CCDC171: variants seen among roughly 807,000 people sequenced by gnomAD.
CCDC171 encodes the protein coiled-coil domain containing 171, also known as coiled-coil domain-containing protein 171.
In CCDC171, 177 loss-of-function variants were observed where a neutral mutation model predicts 168.2. That is an observed-to-expected ratio of 1.05 (90% confidence interval 0.93 to 1.19). CCDC171 has a LOEUF of 1.19. Ranked by LOEUF, CCDC171 falls within the 50% of genes most tolerant of loss-of-function variation. CCDC171 has a pLI of 0.00. For missense variants in CCDC171, 1,991 were observed against 1,539.0 expected (o/e 1.29, Z -4.91); for synonymous variants, 687 against 540.8 (o/e 1.27, Z -3.75).
At chr9:15,750,709 C>T (rs905021464) in intron 18 of CCDC171, among the ~76,000 whole-genome samples, 1 of 152,116 alleles carries the variant, frequency 6.6e-6, no homozygotes, top group African/African-American at 2.4e-5. Flanking sequence ...GCAGAAAAGG[C>T]CTTCGACAAA....
At chr9:15,883,899 A>G (rs944761101) in intron 24 of CCDC171, among the ~76,000 whole-genome samples, 3 of 152,242 alleles carry the variant, frequency 2.0e-5, no homozygotes, top group African/African-American at 7.2e-5. Context: ...AAATCATAGC[A>G]GAATCAGTAT....
intron 24 of CCDC171, among the ~76,000 whole-genome samples, chr9:15,897,793 T>G (rs778103697): frequency 2.0e-5 from 3 of 152,208 alleles, no homozygotes; most frequent in Non-Finnish European, 2.9e-5. Flanking sequence ...AAGCCTGGAT[T>G]AAGTCTACTG....
intron 3 of CCDC171, among the ~76,000 whole-genome samples, chr9:16,008,697 T>A (rs1361822979): frequency 6.6e-6 from 1 of 152,162 alleles, no homozygotes; most frequent in African/African-American, 2.4e-5. Flanking sequence ...CTGGCAAGCC[T>A]CACTTCTAAT....
At chr9:15,756,362 C>G (rs1213233881) in intron 18 of CCDC171, among the ~76,000 whole-genome samples, 1 of 151,992 alleles carries the variant, frequency 6.6e-6, no homozygotes, top group African/African-American at 2.4e-5. Context: ...AGAATGGTTA[C>G]TGTTATTTTT....
chr9:15,649,623 A>C (rs910671414), intron 7 of CCDC171, among the ~76,000 whole-genome samples: 15 of 152,358 alleles, frequency 9.8e-5, no homozygotes, highest in South Asian at 4.1e-4. Flanking sequence ...GAAGACATTT[A>C]TGCAGCCAAC....
chr9:16,094,311 G>GA, the CCDC171 span, among the ~76,000 whole-genome samples: 1 of 152,354 alleles, frequency 6.6e-6, no homozygotes, highest in East Asian at 1.9e-4. Flanking sequence ...GTCCAGTGAA[G>GA]ATGAATAAAG....
intron 3 of CCDC171, among the ~76,000 whole-genome samples, chr9:15,987,129 G>C (rs1454238759): frequency 3.9e-5 from 6 of 152,002 alleles, no homozygotes; most frequent in Admixed American, 1.3e-4. Flanking sequence ...AGAAACTATT[G>C]AAAAAAATTT....
intron 1 of CCDC171, among the ~76,000 whole-genome samples, chr9:16,055,276 T>G (rs1390647271): frequency 6.6e-6 from 1 of 152,082 alleles, no homozygotes; most frequent in Non-Finnish European, 1.5e-5. Context: ...CCCAGAGATG[T>G]TTTGGCAGAT....
chr9:15,627,754 G>T (rs534566355), intron 7 of CCDC171, among the ~76,000 whole-genome samples: 4 of 152,176 alleles, frequency 2.6e-5, no homozygotes, highest in African/African-American at 9.7e-5. Flanking sequence ...GGTCAGTTTT[G>T]GAGTAAGTGT....
chr9:15,737,532 A>G (rs2054576440), intron 16 of CCDC171, among the ~76,000 whole-genome samples: 1 of 152,190 alleles, frequency 6.6e-6, no homozygotes, highest in Non-Finnish European at 1.5e-5. Context: ...AGTCAGAGGT[A>G]ATATCTCTTA....
intron 11 of CCDC171, among the ~76,000 whole-genome samples, chr9:15,709,743 T>G (rs7855235): frequency 6.6e-6 from 1 of 151,944 alleles, no homozygotes; most frequent in African/African-American, 2.4e-5. Context: ...TGTTTTTTCT[T>G]ACTCCCAAGA....
chr9:15,897,820 A>G (rs967133513), intron 24 of CCDC171, among the ~76,000 whole-genome samples: 1 of 152,208 alleles, frequency 6.6e-6, no homozygotes, highest in Admixed American at 6.6e-5. Context: ...CTGAGAAACA[A>G]ATAAACAAAC....
intron 7 of CCDC171, among the ~76,000 whole-genome samples, chr9:15,626,039 T>G (rs953207718): frequency 2.0e-5 from 3 of 152,330 alleles, no homozygotes; most frequent in Admixed American, 1.3e-4. Context: ...TTCACATCCC[T>G]TGTAAGTTGG....
At chr9:15,980,810 C>T (rs1831770423) in intron 3 of CCDC171, among the ~76,000 whole-genome samples, 1 of 151,274 alleles carries the variant, frequency 6.6e-6, no homozygotes, top group Non-Finnish European at 1.5e-5. Flanking sequence ...CCAACCCTGC[C>T]CCGCCCACCC....
downstream of CCDC171, among the ~76,000 whole-genome samples, chr9:15,978,375 G>A (rs1169941618): frequency 6.6e-6 from 1 of 152,154 alleles, no homozygotes; most frequent in East Asian, 1.9e-4. Flanking sequence ...GTCCAAGAGG[G>A]CACAAACTAC....
At chr9:15,738,697 A>G (rs1230781699) in intron 16 of CCDC171, among the ~76,000 whole-genome samples, 1 of 152,158 alleles carries the variant, frequency 6.6e-6, no homozygotes, top group Non-Finnish European at 1.5e-5. Flanking sequence ...TTCAAGAATA[A>G]TTCACAGTAA....
chr9:15,783,972 C>T lies in CCDC171; in HGVS notation c.3082-537C>T, dbSNP rs1227695724. Among the ~76,000 whole-genome samples the T allele has an allele frequency of 2.0e-5, 3 of 151,972 alleles. No homozygotes were observed. In the East Asian group the frequency reaches 5.8e-4, roughly 29 times the overall value. On this transcript the variant is annotated intron_variant, in intron 20 of 25. Coordinates refer to ENST00000380701, the MANE Select transcript of CCDC171 (RefSeq NM_173550.4). Reference sequence around the variant, plus strand: ...TGTGTGGTTGGTGGCAGGGTGTGGACAGGCAATAAAAAAAGTGAGATGAAT... The same window carrying T: ...TGTGTGGTTGGTGGCAGGGTGTGGATAGGCAATAAAAAAAGTGAGATGAAT...
At chr9:16,080,903 G>T in the CCDC171 span, among the ~76,000 whole-genome samples, 1 of 152,176 alleles carries the variant, frequency 6.6e-6, no homozygotes, top group African/African-American at 2.4e-5. Context: ...TTTTGCTGAT[G>T]TGGGGCATGT....
At chr9:15,747,951 C>T (rs760620193) in intron 18 of CCDC171, among the ~76,000 whole-genome samples, 8 of 152,078 alleles carry the variant, frequency 5.3e-5, no homozygotes, top group Non-Finnish European at 1.0e-4. Flanking sequence ...CAAACTTCTC[C>T]GAGCTAAAGG....
Sources: allele counts gnomAD v4.1 joint callset (sites outside exome capture counted in the v4.1 genomes callset), GRCh38; gene constraint gnomAD v4.1.1; transcripts MANE v1.5; gene names NCBI Gene and HGNC (gene_info 2026-07-23, HGNC 2026-07-21).